CACNA1E: variants seen among roughly 807,000 people sequenced by gnomAD.
CACNA1E encodes voltage-dependent R-type calcium channel subunit alpha-1E.
A neutral mutation model predicts 259.2 loss-of-function variants in CACNA1E; 40 were observed. That is an observed-to-expected ratio of 0.15 (90% CI 0.12 to 0.20). The LOEUF (loss-of-function observed/expected upper bound fraction) is 0.20. Among genes scored for constraint, CACNA1E ranks in the 10% least tolerant of loss-of-function variants. CACNA1E has a pLI of 1.00. For synonymous variants in CACNA1E, 1,104 were observed against 1,138.5 expected (o/e 0.97, Z 0.61); for missense variants, 1,874 against 3,040.1 (o/e 0.62, Z 9.02).
At chr1:181,727,390 A>C (rs1461356277) in intron 18 of CACNA1E, among the ~76,000 whole-genome samples, 1 of 152,252 alleles carries the variant, frequency 6.6e-6, no homozygotes, top group Non-Finnish European at 1.5e-5. Flanking sequence ...CATACTGTAG[A>C]AAAATCACAT....
rs191394945 is a variant in CACNA1E at position 181,528,716 on chromosome 1, C to G, written c.512+17206C>G. On this transcript the variant is annotated intron_variant, in intron 3 of 47. Coordinates refer to ENST00000367573, the MANE Select transcript of CACNA1E (RefSeq NM_001205293.3). ...TATGTTTTTGCAAAGAGACTGGTGGCCTATTGCCCCTGCCCTAGAGATTTG... is the reference window on the plus strand; with the variant it reads ...TATGTTTTTGCAAAGAGACTGGTGGGCTATTGCCCCTGCCCTAGAGATTTG... Among the ~76,000 whole-genome samples, 155 of 152,200 alleles carry G rather than the reference C, an allele frequency of 1.0e-3. 1 individual carries two copies. The highest frequency in any genetic ancestry group is 3.5e-3 in the African/African-American group (144 of 41,516).
Position 181,752,008 on chromosome 1 carries a change from A to C in CACNA1E, c.3732-135A>C. On this transcript the variant is annotated intron_variant, in intron 26 of 47. Transcript: ENST00000367573. Reference sequence around the variant, plus strand: ...ATGTCCCTGGAGTCAAATCTGACTCAGTTTCTGGCTTCTTGCCTCCATCTC... The same window carrying C: ...ATGTCCCTGGAGTCAAATCTGACTCCGTTTCTGGCTTCTTGCCTCCATCTC... The C allele has an allele frequency of 4.1e-6, 3 of 730,098 alleles. No individual in the cohort carries two copies. In the Middle Eastern group the frequency reaches 6.8e-4, roughly 165 times the overall value. The allele number at this position is 730,098 out of a possible 1,614,324, so 45.2% of individuals were successfully genotyped here.
intron 1 of CACNA1E, among the ~76,000 whole-genome samples, chr1:181,347,963 C>T (rs923519984): frequency 3.9e-5 from 6 of 152,262 alleles, no homozygotes; most frequent in Non-Finnish European, 7.3e-5. Context: ...CTCCTTGGGG[C>T]ACCATCCAGA....
At chr1:181,436,633 A>G (rs778996738) in intron 2 of CACNA1E, among the ~76,000 whole-genome samples, 1 of 152,202 alleles carries the variant, frequency 6.6e-6, no homozygotes, top group Non-Finnish European at 1.5e-5. Context: ...ATATGAGCTC[A>G]CTTATATGTG....
At chr1:181,437,781 CCTCTT>C (rs3051745) in intron 2 of CACNA1E, among the ~76,000 whole-genome samples, 9,323 of 152,056 alleles carry the variant, frequency 0.061, 461 homozygotes, top group African/African-American at 0.13. Flanking sequence ...GCTTCTGGGC[CCTCTT>C]CTCTTCTCTG....
chr1:181,676,100 A>G (rs1427986921), intron 7 of CACNA1E, among the ~76,000 whole-genome samples: 2 of 152,130 alleles, frequency 1.3e-5, no homozygotes, highest in East Asian at 1.9e-4. Flanking sequence ...CGTTAGAACT[A>G]TAAGGCTCTT....
In CACNA1E at chr1:181,471,660, T is replaced by C. The variant is rs574092572; in HGVS notation, c.435-12084T>C. Among the ~76,000 whole-genome samples the C allele has an allele frequency of 5.3e-5, 8 of 152,364 alleles. No individual in the cohort carries two copies. The South Asian group carries it at 1.7e-3, about 32-fold the overall frequency. ...GAAGAAAATTATAACCTAACACCTC[T>C]TAGCCAACTTCTGTGCGGCTCTTGG... On this transcript the variant is annotated intron_variant, in intron 2 of 11. Transcript: ENST00000524607.
At chr1:181,541,933 C>T (rs769354348) in intron 3 of CACNA1E, among the ~76,000 whole-genome samples, 24 of 152,168 alleles carry the variant, frequency 1.6e-4, no homozygotes, top group Non-Finnish European at 2.8e-4. Context: ...CAAGAGAACA[C>T]GGCAGAAGTG....
intron 3 of CACNA1E, among the ~76,000 whole-genome samples, chr1:181,570,250 C>T (rs760958693): frequency 2.9e-4 from 44 of 151,824 alleles, no homozygotes; most frequent in Non-Finnish European, 4.7e-4. Context: ...GTGTGTTCCT[C>T]GGGGGGAGTC....
At chr1:181,599,113 C>A (rs974193633) in intron 6 of CACNA1E, among the ~76,000 whole-genome samples, 4 of 151,984 alleles carry the variant, frequency 2.6e-5, no homozygotes, top group African/African-American at 4.8e-5. Flanking sequence ...CCCCCCTCCC[C>A]ACTCTTGCCC....
intron 1 of CACNA1E, among the ~76,000 whole-genome samples, chr1:181,361,440 C>G (rs1373635765): frequency 2.0e-5 from 3 of 152,160 alleles, no homozygotes; most frequent in Non-Finnish European, 4.4e-5. Context: ...AGAGGTTTCA[C>G]AAGGCAGGAG....
intron 2 of CACNA1E, among the ~76,000 whole-genome samples, chr1:181,461,864 C>G (rs1035619802): frequency 6.6e-6 from 1 of 151,908 alleles, no homozygotes; most frequent in Non-Finnish European, 1.5e-5. Flanking sequence ...ATCCGTAATG[C>G]CATCATGTAC....
intron 7 of CACNA1E, among the ~76,000 whole-genome samples, chr1:181,654,463 A>G (rs1659024204): frequency 6.6e-6 from 1 of 152,204 alleles, no homozygotes; most frequent in African/African-American, 2.4e-5. Flanking sequence ...ATGTTCCCAG[A>G]GCCAAAAGAC....
At chr1:181,696,140 G>A (rs1382952412) in intron 7 of CACNA1E, among the ~76,000 whole-genome samples, 2 of 151,330 alleles carry the variant, frequency 1.3e-5, no homozygotes, top group African/African-American at 2.4e-5. Flanking sequence ...AACAATTTCT[G>A]TTTATCAAAA....
At chr1:181,537,235 G>T (rs1668248312) in intron 3 of CACNA1E, among the ~76,000 whole-genome samples, 1 of 151,600 alleles carries the variant, frequency 6.6e-6, no homozygotes, top group South Asian at 2.1e-4. Context: ...AAGTAACTGG[G>T]ATTACAGGCA....
Position 181,798,375 on chromosome 1 carries a change from C to A in CACNA1E, c.6483C>A (p.Pro2161=), listed in dbSNP as rs370456526. ...TPRRSRRQLP[P]VPPKPRPLLS... ...GAAGAAGTCGTCGGCAGCTCCCACC[C>A]GTCCCGCCAAAGCCCCGGCCCCTCC... is the stretch of plus-strand genomic sequence containing the variant. Residue 2161 remains proline, a synonymous_variant, in exon 48 of 48, where the codon CCC becomes CCA. Coordinates refer to ENST00000367573, the MANE Select transcript of CACNA1E (RefSeq NM_001205293.3). The surrounding 1 kb of genome is among the most constrained non-coding windows in gnomAD (Gnocchi z 4.2). 1 of 1,612,854 alleles carries A rather than the reference C, an allele frequency of 6.2e-7. No individual in the cohort carries two copies. The highest frequency in any genetic ancestry group is 8.5e-7 in the Non-Finnish European group (1 of 1,179,834).
upstream of CACNA1E, among the ~76,000 whole-genome samples, chr1:181,482,808 G>GGTGCTCGCCGCCCGCCC (rs1558039246): frequency 1.3e-5 from 2 of 152,358 alleles, no homozygotes; most frequent in Admixed American, 6.5e-5. Flanking sequence ...CTCGCCCGCC[G>GGTGCTCGCCGCCCGCCC]GTGCTCGCCG....
At chr1:181,548,118 A>G (rs1006936845) in intron 3 of CACNA1E, among the ~76,000 whole-genome samples, 1 of 25,390 alleles carries the variant, frequency 3.9e-5, no homozygotes, top group Non-Finnish European at 1.2e-4. Flanking sequence ...TTCCCATAAC[A>G]CTTTTTTTTT....
intron 1 of CACNA1E, among the ~76,000 whole-genome samples, chr1:181,362,118 C>A (rs966505646): frequency 6.6e-6 from 1 of 152,174 alleles, no homozygotes; most frequent in Non-Finnish European, 1.5e-5. Context: ...ATTAAATGAA[C>A]CTTAATGGAC....
Sources: gnomAD v4.1 joint callset for allele counts (sites outside exome capture counted in the v4.1 genomes callset) on GRCh38, gnomAD v4.1.1 for gene constraint, Gnocchi (gnomAD v3.1) non-coding constraint, MANE v1.5 for transcripts, NCBI Gene and HGNC (gene_info 2026-07-23, HGNC 2026-07-21) for gene names.